The following LRRTM4 variants were observed in gnomAD, a reference collection of about 807,000 sequenced individuals.
LRRTM4 encodes the protein leucine-rich repeat transmembrane neuronal protein 4.
In LRRTM4, 25 loss-of-function variants were observed where a neutral mutation model predicts 47.6. That is an observed-to-expected ratio of 0.53 (90% confidence interval 0.38 to 0.73). LRRTM4 has a LOEUF of 0.73. Ranked by LOEUF, LRRTM4 falls within the 30% of genes least tolerant of loss-of-function variation. The probability of loss-of-function intolerance (pLI) is 0.00; values close to 1 mark genes in which losing one functional copy is unlikely to be tolerated. For missense variants in LRRTM4, 638 were observed against 713.4 expected (o/e 0.89, Z 1.20); for synonymous variants, 311 against 269.5 (o/e 1.15, Z -1.51).
At chr2:76,769,930 T>C (rs532897311) in intron 3 of LRRTM4, among the ~76,000 whole-genome samples, 3 of 152,224 alleles carry the variant, frequency 2.0e-5, no homozygotes, top group Non-Finnish European at 2.9e-5. Context: ...GCATCAACTA[T>C]AAACTTCTTA....
chr2:76,873,506 G>GTGTATATATATATGTGTGTGTA (rs367573475), intron 3 of LRRTM4, among the ~76,000 whole-genome samples: 2 of 112,312 alleles, frequency 1.8e-5, no homozygotes, highest in African/African-American at 6.5e-5. Context: ...ATATATGTGT[G>GTGTATATATATATGTGTGTGTA]TATATATATA....
intron 3 of LRRTM4, among the ~76,000 whole-genome samples, chr2:77,059,156 G>C (rs1208702232): frequency 6.6e-6 from 1 of 152,016 alleles, no homozygotes; most frequent in South Asian, 2.1e-4. Context: ...TTTATACATG[G>C]TTATTTAGCA....
intron 3 of LRRTM4, among the ~76,000 whole-genome samples, chr2:76,862,637 G>GCA (rs1672347393): frequency 1.3e-5 from 2 of 152,106 alleles, no homozygotes; most frequent in Non-Finnish European, 2.9e-5. Context: ...ACACGCGTGC[G>GCA]CGCGCACACA....
intron 3 of LRRTM4, among the ~76,000 whole-genome samples, chr2:76,801,843 G>A (rs2103775293): frequency 6.6e-6 from 1 of 152,158 alleles, no homozygotes; most frequent in Admixed American, 6.5e-5. Flanking sequence ...AATGTGATAT[G>A]CCACATTAAC....
chr2:77,198,698 C>G (rs1673893433), intron 3 of LRRTM4, among the ~76,000 whole-genome samples: 1 of 152,134 alleles, frequency 6.6e-6, no homozygotes, highest in African/African-American at 2.4e-5. Flanking sequence ...TACTTGCTTT[C>G]AATCACTGAC....
chr2:77,333,209 G>A (rs889918547), intron 3 of LRRTM4, among the ~76,000 whole-genome samples: 2 of 152,180 alleles, frequency 1.3e-5, no homozygotes, highest in African/African-American at 4.8e-5. Flanking sequence ...TAACAGCAGA[G>A]TGAAAGGAAA....
At chr2:77,509,555 G>T (rs1464980730) in intron 3 of LRRTM4, among the ~76,000 whole-genome samples, 1 of 152,050 alleles carries the variant, frequency 6.6e-6, no homozygotes, top group Non-Finnish European at 1.5e-5. Context: ...CACAACACGT[G>T]TTTCTACATC....
chr2:77,454,375 C>T (rs1346815235), intron 3 of LRRTM4, among the ~76,000 whole-genome samples: 2 of 152,174 alleles, frequency 1.3e-5, no homozygotes, highest in African/African-American at 4.8e-5. Context: ...ACGGCCACAC[C>T]TAATTCTACA....
intron 3 of LRRTM4, among the ~76,000 whole-genome samples, chr2:76,895,054 G>C (rs1011679450): frequency 6.6e-6 from 1 of 151,112 alleles, no homozygotes; most frequent in Non-Finnish European, 1.5e-5. Context: ...AAAATACTTC[G>C]GCAAACATTT....
intron 3 of LRRTM4, among the ~76,000 whole-genome samples, chr2:77,258,093 T>C (rs1675819028): frequency 7.1e-6 from 1 of 141,640 alleles, no homozygotes; most frequent in African/African-American, 2.8e-5. Context: ...CAAAACTCTG[T>C]CTCAAAAATA....
At position 76,902,106 on chromosome 2, in the gene LRRTM4, A is replaced by G. The variant is rs114461302; in HGVS notation, c.1552-153190T>C. Among the ~76,000 whole-genome samples, 965 of 152,234 alleles carry G rather than the reference A, an allele frequency of 6.3e-3. 8 individuals carry two copies. Among genetic ancestry groups the G allele is most frequent in the Non-Finnish European group, 0.011 (743 of 68,030 alleles). On this transcript the variant is annotated intron_variant, in intron 3 of 3. Transcript: ENST00000409884. ...AATAGAGAAAAGTTTTTAAAATGTG[A>G]ATTTTATGGAAGAGAAAATAATACA...
Position 76,780,752 on chromosome 2 carries a change from C to A in LRRTM4, c.1552-31836G>T, listed in dbSNP as rs893423812. On this transcript the variant is annotated intron_variant, in intron 3 of 3. Transcript: ENST00000409884. ...ATTTGATTGTCTGAAGTCTTCTTCT[C>A]TCAGCTTGTCAAAGTCATTCTCCAT... Among the ~76,000 whole-genome samples the A allele has an allele frequency of 2.0e-5, 3 of 152,176 alleles. No individual in the cohort carries two copies. The East Asian group carries it at 5.8e-4, about 29-fold the overall frequency.
In LRRTM4 at chr2:76,816,599, G is replaced by C. The variant is rs144824507; in HGVS notation, c.1552-67683C>G. 4.1e-3 allele frequency among the ~76,000 whole-genome samples: 624 copies of C among 151,388 alleles called. 4 individuals carry two copies. The highest frequency in any genetic ancestry group is 0.015 in the African/African-American group (600 of 41,362). On this transcript the variant is annotated intron_variant, in intron 3 of 3. Coordinates refer to ENST00000409884, the MANE Select transcript of LRRTM4 (RefSeq NM_001134745.3). ...TTTTGGAATCTGTATTTTTAAAAAA[G>C]ACTCCAATGTAACTCTAATAATCAG...
chr2:77,024,123 TACC>T (rs1437748057), intron 3 of LRRTM4, among the ~76,000 whole-genome samples: 4 of 152,130 alleles, frequency 2.6e-5, no homozygotes, highest in African/African-American at 4.8e-5. Flanking sequence ...ACTTACTCAT[TACC>T]ACAAGAACAG....
chr2:77,018,933 C>A (rs1024145952), intron 3 of LRRTM4, among the ~76,000 whole-genome samples: 12 of 151,842 alleles, frequency 7.9e-5, no homozygotes, highest in Non-Finnish European at 1.6e-4. Flanking sequence ...TGCATAATTT[C>A]ATTAAATATT....
intron 3 of LRRTM4, among the ~76,000 whole-genome samples, chr2:77,075,048 G>T (rs899417160): frequency 6.6e-6 from 1 of 152,104 alleles, no homozygotes; most frequent in Non-Finnish European, 1.5e-5. Flanking sequence ...ACAGAAACCA[G>T]ATCAATATTC....
At chr2:76,951,413 T>C (rs1477038917) in intron 3 of LRRTM4, among the ~76,000 whole-genome samples, 1 of 152,026 alleles carries the variant, frequency 6.6e-6, no homozygotes, top group Non-Finnish European at 1.5e-5. Context: ...ACCGTTAACC[T>C]AGAGTTTCAA....
intron 3 of LRRTM4, among the ~76,000 whole-genome samples, chr2:76,789,535 T>C (rs1674856072): frequency 6.6e-6 from 1 of 152,214 alleles, no homozygotes; most frequent in South Asian, 2.1e-4. Flanking sequence ...GGTTTGTTTC[T>C]GAGGTCCTGT....
At chr2:76,880,786 A>C (rs1222167351) in intron 3 of LRRTM4, among the ~76,000 whole-genome samples, 1 of 152,224 alleles carries the variant, frequency 6.6e-6, no homozygotes, top group Non-Finnish European at 1.5e-5. Context: ...AAACACAGTT[A>C]CAACTACAAC....
Sources: allele counts gnomAD v4.1 joint callset (sites outside exome capture counted in the v4.1 genomes callset), GRCh38; gene constraint gnomAD v4.1.1; transcripts MANE v1.5; gene names NCBI Gene and HGNC (gene_info 2026-07-23, HGNC 2026-07-21).